TMEM40: variants seen among roughly 807,000 people sequenced by gnomAD.
TMEM40 encodes transmembrane protein 40.
In TMEM40, 34 loss-of-function variants were observed where a neutral mutation model predicts 40.8. The ratio of observed to expected loss-of-function variants is 0.83; its 90% CI spans 0.63 to 1.11. The LOEUF (loss-of-function observed/expected upper bound fraction) is 1.11. TMEM40 is among the 50% of genes least tolerant of loss of function. TMEM40 has a pLI of 0.00. For synonymous variants in TMEM40, 106 were observed against 107.0 expected, an observed-to-expected ratio of 0.99 and a Z score of 0.06; for missense variants, 296 against 280.2, an observed-to-expected ratio of 1.06 and a Z score of -0.40.
At chr3:12,742,152 T>C (rs1048124744) in intron 5 of TMEM40, among the ~76,000 whole-genome samples, 2 of 152,012 alleles carry the variant, frequency 1.3e-5, no homozygotes, top group East Asian at 1.9e-4. Context: ...ATCACTTGAA[T>C]TGGGGAGGTG....
At chr3:12,738,872 G>A in intron 5 of TMEM40, 1 of 406,252 alleles carries the variant, frequency 2.5e-6, no homozygotes, top group Non-Finnish European at 4.6e-6. Flanking sequence ...GAAAAAGTTT[G>A]GGCCGCACGC....
At chr3:12,763,850 G>C (rs776640564), upstream of TMEM40, among the ~76,000 whole-genome samples, 8 of 152,184 alleles carry the variant, frequency 5.3e-5, no homozygotes, top group Admixed American at 5.2e-4. Flanking sequence ...TAGGTGTATG[G>C]AGAAAAGAAT....
chr3:12,752,520 C>T lies in TMEM40; in HGVS notation c.-8-2680G>A, dbSNP rs369959526. On this transcript the variant is annotated intron_variant, in intron 1 of 11. Coordinates refer to ENST00000314124, the MANE Select transcript of TMEM40 (RefSeq NM_018306.4). ...GATAAGAAACTTGCCCAGGACCGGCCGGGCGCGGTGGTTCATGCCTGTAAT... is the reference window on the plus strand; with the variant it reads ...GATAAGAAACTTGCCCAGGACCGGCTGGGCGCGGTGGTTCATGCCTGTAAT... Among the ~76,000 whole-genome samples, 22 of 152,216 alleles carry T rather than the reference C, an allele frequency of 1.4e-4. No individual in the cohort carries two copies. In the South Asian group the frequency reaches 2.1e-3, roughly 14 times the overall value.
intron 3 of TMEM40, among the ~76,000 whole-genome samples, chr3:12,746,873 C>A (rs763764405): frequency 6.6e-6 from 1 of 152,066 alleles, no homozygotes; most frequent in Admixed American, 6.6e-5. Context: ...TGAGAGACAA[C>A]CAGAACCAGA....
At chr3:12,741,229 G>A in intron 5 of TMEM40, 1 of 152,278 alleles carries the variant, frequency 6.6e-6, no homozygotes, top group Non-Finnish European at 1.5e-5. Flanking sequence ...CCAGTCCTGG[G>A]CGTCCTTCCC....
At chr3:12,737,792 G>A in intron 7 of TMEM40, 38 bp from the exon 8 acceptor site, 1 of 1,593,216 alleles carries the variant, frequency 6.3e-7, no homozygotes. Flanking sequence ...TAACTTTGAT[G>A]CAGGACGGGA....
At chr3:12,760,337 T>C (rs947859331), upstream of TMEM40, among the ~76,000 whole-genome samples, 4 of 152,162 alleles carry the variant, frequency 2.6e-5, no homozygotes, top group African/African-American at 9.7e-5. Context: ...CCCAAGGTCT[T>C]ACAAGCCCCT....
rs781731021 is a variant in TMEM40, at chr3:12,735,600, C to T, written c.637G>A (p.Val213Ile). The change falls in exon 11 of 12, where the codon GTC (valine) becomes ATC (isoleucine). Residue 213 changes from valine (V) to isoleucine (I), a missense_variant. By Grantham distance (29) the Val-to-Ile change is conservative. Transcript: ENST00000314124. The stretch of plus-strand genomic sequence containing the variant: ...AAGAGGGGGATGAAGCCTTGGAGGA[C>T]GCTGTGGATACGGTACACTGCTCAG... Reference protein sequence around the residue: ...YFGLVYRIHSVLQGFIPLFQK... With the variant: ...YFGLVYRIHSILQGFIPLFQK... The T allele has an allele frequency of 2.0e-5, 32 of 1,613,260 alleles. No homozygotes were observed. The highest frequency in any genetic ancestry group is 6.7e-5 in the East Asian group (3 of 44,860).
At position 12,735,610 on chromosome 3, in the gene TMEM40, A is replaced by G. The variant is rs2061331662; in HGVS notation, c.627T>C (p.Arg209=). The change falls in exon 11 of 12, where the codon CGT becomes CGC. Residue 209 remains arginine (R), a synonymous_variant. Coordinates refer to ENST00000314124, the MANE Select transcript of TMEM40 (RefSeq NM_018306.4). ...TVGIYFGLVY[R]IHSVLQGFIP... Reference sequence around the variant, plus strand: ...TGAAGCCTTGGAGGACGCTGTGGATACGGTACACTGCTCAGAAGCAAAGAA... The same window carrying G: ...TGAAGCCTTGGAGGACGCTGTGGATGCGGTACACTGCTCAGAAGCAAAGAA... The G allele has an allele frequency of 1.9e-6, 3 of 1,612,596 alleles. No individual in the cohort carries two copies. The highest frequency in any genetic ancestry group is 2.5e-6 in the Non-Finnish European group (3 of 1,179,686).
chr3:12,758,193 A>ATC (rs144548966), intron 1 of TMEM40, among the ~76,000 whole-genome samples: 1,987 of 151,650 alleles, frequency 0.013, 27 homozygotes, highest in African/African-American at 0.044. Flanking sequence ...AGCACTTGAG[A>ATC]TCTCTCTCTC....
At chr3:12,745,772 G>C (rs933322508) in intron 3 of TMEM40, among the ~76,000 whole-genome samples, 2 of 151,334 alleles carry the variant, frequency 1.3e-5, no homozygotes, top group Non-Finnish European at 3.0e-5. Context: ...TAAATAAAAG[G>C]TATTATGGAA....
intron 1 of TMEM40, among the ~76,000 whole-genome samples, chr3:12,757,316 A>G (rs2061536672): frequency 6.6e-6 from 1 of 151,908 alleles, no homozygotes; most frequent in Non-Finnish European, 1.5e-5. Context: ...CTAAAAATAC[A>G]AAATTAGCTG....
intron 1 of TMEM40, among the ~76,000 whole-genome samples, chr3:12,764,522 T>C (rs572441402): frequency 6.6e-6 from 1 of 152,332 alleles, no homozygotes; most frequent in East Asian, 1.9e-4. Context: ...ATGTTTGAAG[T>C]GTTAGCTTCT....
chr3:12,738,018 T>A, intron 7 of TMEM40, 118 bp downstream of exon 7: 1 of 1,294,256 alleles, frequency 7.7e-7, no homozygotes. Flanking sequence ...ATAGTGACAC[T>A]GGCTGGCGAC....
intron 7 of TMEM40, 66 bp from the exon 8 acceptor site, chr3:12,737,820 C>G: frequency 6.7e-7 from 1 of 1,491,742 alleles, no homozygotes; most frequent in South Asian, 1.1e-5. Flanking sequence ...TTTTCTTTTC[C>G]CTGCCTCATT....
At chr3:12,755,780 A>T (rs2061522689) in intron 1 of TMEM40, among the ~76,000 whole-genome samples, 1 of 152,146 alleles carries the variant, frequency 6.6e-6, no homozygotes. Flanking sequence ...AGACAGGTTG[A>T]TTGTGGCCAC....
chr3:12,736,005 G>A (rs1321726146), intron 10 of TMEM40, among the ~76,000 whole-genome samples: 2 of 152,052 alleles, frequency 1.3e-5, no homozygotes, highest in Non-Finnish European at 2.9e-5. Flanking sequence ...GGAATTACAG[G>A]CGTGTGCCCT....
chr3:12,735,299 G>A (rs1401649666), intron 11 of TMEM40, among the ~76,000 whole-genome samples: 2 of 152,162 alleles, frequency 1.3e-5, no homozygotes, highest in East Asian at 3.9e-4. Context: ...CACACTTCAG[G>A]CCTTTGCATC....
chr3:12,762,583 T>C (rs1166923439), upstream of TMEM40, among the ~76,000 whole-genome samples: 1 of 152,168 alleles, frequency 6.6e-6, no homozygotes, highest in East Asian at 1.9e-4. Context: ...CAAAGTAAGA[T>C]CTATCTAGAC....
Sources: allele counts gnomAD v4.1 joint callset (sites outside exome capture counted in the v4.1 genomes callset), GRCh38; gene constraint gnomAD v4.1.1; transcripts MANE v1.5; gene names NCBI Gene and HGNC (gene_info 2026-07-23, HGNC 2026-07-21).